DDR2: variants seen among roughly 807,000 people sequenced by gnomAD.
The protein encoded by DDR2 is discoidin domain-containing receptor 2.
A neutral mutation model predicts 94.9 loss-of-function variants in DDR2; 27 were observed. The observed-to-expected ratio is 0.28, with a 90% CI of 0.21 to 0.39. The LOEUF is 0.39. Ranked by LOEUF, DDR2 falls within the 10% of genes least tolerant of loss-of-function variation. The pLI, the probability that DDR2 is intolerant of heterozygous loss-of-function variation, is 1.00. For missense variants in DDR2, 783 were observed against 1,076.0 expected, an observed-to-expected ratio of 0.73 and a Z score of 3.81; for synonymous variants, 382 against 377.2, an observed-to-expected ratio of 1.01 and a Z score of -0.15.
intron 3 of DDR2, among the ~76,000 whole-genome samples, chr1:162,727,978 G>T (rs1024903497): frequency 2.4e-4 from 24 of 100,388 alleles, no homozygotes; most frequent in East Asian, 1.6e-3. Flanking sequence ...TATATATATA[G>T]ATATAATCAC....
rs145472172 is a variant in DDR2, at chr1:162,766,792, G to A, written c.1163-437G>A. On this transcript the variant is annotated intron_variant, in intron 10 of 17. Coordinates refer to ENST00000367921, the MANE Select transcript of DDR2 (RefSeq NM_006182.4). ...CTCACACCTGTAATCCCAGCACTTT[G>A]GGAGGCAGAGGCAGGCAGATCATGA... Among the ~76,000 whole-genome samples, 15 of 152,226 alleles carry A rather than the reference G, an allele frequency of 9.9e-5. No homozygotes were observed. In the East Asian group the frequency reaches 2.5e-3, roughly 25 times the overall value.
chr1:162,707,734 C>T (rs1257560928), intron 2 of DDR2, among the ~76,000 whole-genome samples: 2 of 152,190 alleles, frequency 1.3e-5, no homozygotes, highest in African/African-American at 2.4e-5. Context: ...CATACGATTG[C>T]CACCTCGACT....
chr1:162,711,712 T>A (rs186242404), intron 2 of DDR2, among the ~76,000 whole-genome samples: 1 of 152,324 alleles, frequency 6.6e-6, no homozygotes, highest in African/African-American at 2.4e-5. Flanking sequence ...TGTAGTTCAC[T>A]ATTATAGCTA....
At chr1:162,680,108 T>C (rs554603899) in intron 2 of DDR2, among the ~76,000 whole-genome samples, 2 of 152,342 alleles carry the variant, frequency 1.3e-5, no homozygotes, top group Non-Finnish European at 2.9e-5. Context: ...CTGTTAATAG[T>C]ATCTTTTGCT....
chr1:162,651,354 CCATT>C (rs1181763231), intron 1 of DDR2, among the ~76,000 whole-genome samples: 4 of 152,188 alleles, frequency 2.6e-5, no homozygotes, highest in African/African-American at 9.7e-5. Context: ...CATAACTTGC[CCATT>C]CAAATTGTTC....
intron 16 of DDR2, 42 bp from the exon 17 acceptor site, chr1:162,778,538 A>C: frequency 6.2e-7 from 1 of 1,612,984 alleles, no homozygotes; most frequent in Non-Finnish European, 8.5e-7. Flanking sequence ...GTTGTTGTGC[A>C]CAGGTTATTC....
In DDR2 at chr1:162,784,114, T is replaced by C. The variant is rs1434221401; in HGVS notation, c.*3868T>C. 1 of 152,070 alleles carries C rather than the reference T, an allele frequency of 6.6e-6. No individual in the cohort carries two copies. Among genetic ancestry groups the C allele is most frequent in the Non-Finnish European group, 1.5e-5 (1 of 67,998 alleles). 9.4% of individuals were successfully genotyped at this position (152,070 alleles called of 1,614,324 possible). A position where few individuals can be genotyped will look rare whatever the true frequency, so the allele number is the denominator to read the frequency against. On this transcript the variant is annotated 3_prime_UTR_variant, in exon 18 of 18. Transcript: ENST00000367921. The stretch of plus-strand genomic sequence containing the variant: ...TATCTGCACAAACAGATATGCACCA[T>C]GTTGGAAACATGTGTTTTCCTAGTC...
At chr1:162,696,823 C>T (rs1012875572) in intron 2 of DDR2, among the ~76,000 whole-genome samples, 1 of 152,106 alleles carries the variant, frequency 6.6e-6, no homozygotes, top group Non-Finnish European at 1.5e-5. Context: ...TGCCCAGCCA[C>T]CAGCTTCCCC....
intron 6 of DDR2, 41 bp downstream of exon 6, chr1:162,755,344 A>G (rs762841185): frequency 8.7e-6 from 14 of 1,611,772 alleles, no homozygotes; most frequent in Non-Finnish European, 1.2e-5. Flanking sequence ...TTTATTAAAA[A>G]CTCCAACTTC....
At chr1:162,718,399 A>G (rs1661265945) in intron 2 of DDR2, among the ~76,000 whole-genome samples, 1 of 152,190 alleles carries the variant, frequency 6.6e-6, no homozygotes, top group Non-Finnish European at 1.5e-5. Context: ...CAGCGGATGG[A>G]ACATATGTGT....
rs149841590 is a variant in DDR2 at position 162,767,293 on chromosome 1, C to T, written c.1227C>T (p.Ile409=). 3 of 1,614,116 alleles carry T rather than the reference C, an allele frequency of 1.9e-6. No individual in the cohort carries two copies. The highest frequency in any genetic ancestry group is 1.7e-5 in the Admixed American group (1 of 60,016). The change falls in exon 11 of 18, where the codon ATC becomes ATT. Residue 409 remains isoleucine, a synonymous_variant. Transcript: ENST00000367921. ...RILIGCLVAI[I]FILLAIIVII... is the part of the protein sequence containing the mutation. Reference sequence around the variant, plus strand: ...TGATTGGCTGCTTGGTGGCCATCATCTTTATCCTCCTGGCCATCATTGTCA... The same window carrying T: ...TGATTGGCTGCTTGGTGGCCATCATTTTTATCCTCCTGGCCATCATTGTCA...
In DDR2 at chr1:162,778,569, T is replaced by C. The variant is rs746208979; in HGVS notation, c.2284-11T>C. 3 of 1,613,844 alleles carry C rather than the reference T, an allele frequency of 1.9e-6. No individual in the cohort carries two copies. The East Asian group carries it at 6.7e-5, about 36-fold the overall frequency. ...TATTCTGATTTCCCATTCTTTTCTT[T>C]ACTTAAATAGGGCAAGTTCACTACA... On this transcript the variant is annotated splice_polypyrimidine_tract_variant and intron_variant, in intron 16 of 17. Transcript: ENST00000367921.
intron 9 of DDR2, 28 bp from the exon 10 acceptor site, chr1:162,765,973 G>T: frequency 6.2e-7 from 1 of 1,612,820 alleles, no homozygotes; most frequent in Non-Finnish European, 8.5e-7. Flanking sequence ...CTTCTCCCTG[G>T]CTCTGACTCA....
intron 2 of DDR2, among the ~76,000 whole-genome samples, chr1:162,658,836 A>ATAAATAAATAAATAAATAAG (rs1658154070): frequency 6.6e-6 from 1 of 150,692 alleles, no homozygotes; most frequent in African/African-American, 2.4e-5. Context: ...CAAAAAATAA[A>ATAAATAAATAAATAAATAAG]TAAATAAATA....
chr1:162,684,401 G>A (rs1452913095), intron 2 of DDR2, among the ~76,000 whole-genome samples: 4 of 152,124 alleles, frequency 2.6e-5, no homozygotes, highest in Non-Finnish European at 5.9e-5. Context: ...ATGAGGCCCT[G>A]ACTCCGCAAA....
intron 2 of DDR2, among the ~76,000 whole-genome samples, chr1:162,674,908 C>G (rs1192901866): frequency 6.6e-6 from 1 of 152,044 alleles, no homozygotes; most frequent in Non-Finnish European, 1.5e-5. Context: ...AATCCCAGCA[C>G]TTTGAGGGGC....
intron 2 of DDR2, among the ~76,000 whole-genome samples, chr1:162,715,884 A>G (rs974468087): frequency 6.6e-6 from 1 of 152,192 alleles, no homozygotes; most frequent in Non-Finnish European, 1.5e-5. Flanking sequence ...GCAAAACAGA[A>G]AAATAATTAT....
intron 10 of DDR2, 55 bp from the exon 11 acceptor site, chr1:162,767,174 C>CT: frequency 6.2e-7 from 1 of 1,613,004 alleles, no homozygotes; most frequent in Non-Finnish European, 8.5e-7. Context: ...GTCCCTCATA[C>CT]TTTTACTTGA....
At chr1:162,661,676 A>C (rs1349904936) in intron 2 of DDR2, among the ~76,000 whole-genome samples, 1 of 152,154 alleles carries the variant, frequency 6.6e-6, no homozygotes, top group Admixed American at 6.6e-5. Flanking sequence ...TTGTAGGAGG[A>C]GGGAGGTGGG....
Sources: gnomAD v4.1 joint callset for allele counts (sites outside exome capture counted in the v4.1 genomes callset) on GRCh38, gnomAD v4.1.1 for gene constraint, MANE v1.5 for transcripts, NCBI Gene and HGNC (gene_info 2026-07-23, HGNC 2026-07-21) for gene names.